AGAP1: variants seen among roughly 807,000 people sequenced by gnomAD.
The protein encoded by AGAP1 is ArfGAP with GTPase domain, ankyrin repeat and PH domain 1.
AGAP1 carries 29 observed loss-of-function variants against 105.3 expected under a neutral mutation model. The observed-to-expected ratio is 0.28, with a 90% confidence interval of 0.21 to 0.38. The LOEUF (loss-of-function observed/expected upper bound fraction) is 0.38. Among genes scored for constraint, AGAP1 ranks in the 10% least tolerant of loss-of-function variants. AGAP1 has a pLI of 1.00. For missense variants in AGAP1, 998 were observed against 1,165.1 expected (o/e 0.86, Z 2.09); for synonymous variants, 509 against 485.9 (o/e 1.05, Z -0.63).
Position 235,983,080 on chromosome 2 carries a change from G to A in AGAP1, c.1645+14457G>A, listed in dbSNP as rs2055162052. Among the ~76,000 whole-genome samples, 3 of 152,342 alleles carry A rather than the reference G, an allele frequency of 2.0e-5. No homozygotes were observed. The highest frequency in any genetic ancestry group is 6.5e-5 in the Admixed American group (1 of 15,302). On this transcript the variant is annotated intron_variant, in intron 13 of 17. Transcript: ENST00000304032. The surrounding 1 kb of genome is among the most constrained non-coding windows in gnomAD (Gnocchi z 4.5). ...AAGCCAGCCTGGTCTGTGGAGGTGT[G>A]CTCACTGCTGCAGGGCCATTTGCTG...
At position 236,036,647 on chromosome 2, in the gene AGAP1, G is replaced by A. The variant is rs751791854; in HGVS notation, c.1732G>A (p.Ala578Thr). 1.7e-5 allele frequency: 27 copies of A among 1,614,102 alleles called. No homozygotes were observed. The highest frequency in any genetic ancestry group is 4.4e-5 in the South Asian group (4 of 91,090). The change falls in exon 14 of 18, where the codon GCC becomes ACC. Residue 578 changes from alanine to threonine, a missense_variant. Physicochemically the swap from Ala to Thr is moderately conservative, Grantham distance 58. Coordinates refer to ENST00000304032, the MANE Select transcript of AGAP1 (RefSeq NM_001037131.3). The surrounding 1 kb of genome is among the most constrained non-coding windows in gnomAD (Gnocchi z 5.7). ...AGCCACGACGTATGAGGAGCGGGAC[G>A]CCTGGGTCCAAGCCATCGAGAGCCA... The part of the protein sequence containing the change: ...FEATTYEERD[A>T]WVQAIESQIL...
At chr2:235,624,562 C>G (rs1394659199) in intron 1 of AGAP1, among the ~76,000 whole-genome samples, 1 of 152,108 alleles carries the variant, frequency 6.6e-6, no homozygotes, top group Non-Finnish European at 1.5e-5. Flanking sequence ...TTAAATATTG[C>G]TTTTTCTGTT....
chr2:235,832,485 A>T (rs536517876), intron 9 of AGAP1, among the ~76,000 whole-genome samples: 1 of 152,266 alleles, frequency 6.6e-6, no homozygotes, highest in Non-Finnish European at 1.5e-5. Flanking sequence ...TTCCGATGAG[A>T]TAATTGCTTA....
intron 1 of AGAP1, among the ~76,000 whole-genome samples, chr2:235,528,771 G>A (rs1312089760): frequency 6.6e-6 from 1 of 152,112 alleles, no homozygotes; most frequent in African/African-American, 2.4e-5. Flanking sequence ...CCGCCTCCCG[G>A]GTTGCAAGCA....
chr2:236,111,006 G>C (rs930606857), intron 16 of AGAP1, among the ~76,000 whole-genome samples: 1 of 152,076 alleles, frequency 6.6e-6, no homozygotes, highest in Non-Finnish European at 1.5e-5. Flanking sequence ...CAGCCCCCTC[G>C]GGCCTCTTTT....
intron 1 of AGAP1, among the ~76,000 whole-genome samples, chr2:235,563,602 G>GA (rs1413486501): frequency 7.4e-6 from 1 of 135,490 alleles, no homozygotes; most frequent in Non-Finnish European, 1.6e-5. Context: ...GGGGGGTGGG[G>GA]GGACTTGGAT....
At chr2:235,585,772 G>A (rs546068460) in intron 1 of AGAP1, among the ~76,000 whole-genome samples, 1 of 152,046 alleles carries the variant, frequency 6.6e-6, no homozygotes, top group South Asian at 2.1e-4. Flanking sequence ...CCAATCACAC[G>A]CCAACTTTTA....
chr2:235,524,509 C>A, intron 1 of AGAP1: 1 of 348,146 alleles, frequency 2.9e-6, no homozygotes, highest in South Asian at 2.3e-5. Flanking sequence ...TGTGAGAAGA[C>A]AGGCCACGGG....
intron 1 of AGAP1, among the ~76,000 whole-genome samples, chr2:235,679,811 C>T (rs965215591): frequency 3.9e-5 from 6 of 152,168 alleles, no homozygotes; most frequent in South Asian, 2.1e-4. Context: ...CCTTGTTGGG[C>T]GTGACTTTTA....
intron 1 of AGAP1, among the ~76,000 whole-genome samples, chr2:235,667,195 C>T (rs754140156): frequency 6.6e-6 from 1 of 152,186 alleles, no homozygotes; most frequent in Non-Finnish European, 1.5e-5. Flanking sequence ...GTAGCCTTAG[C>T]ATTTTTCGGG....
chr2:235,846,724 A>G (rs1961539569), intron 9 of AGAP1, among the ~76,000 whole-genome samples: 1 of 151,852 alleles, frequency 6.6e-6, no homozygotes, highest in Admixed American at 6.6e-5. Flanking sequence ...GCAGCCTCTA[A>G]CTCCTGGGCT....
At chr2:235,844,773 G>C (rs1402646789) in intron 9 of AGAP1, among the ~76,000 whole-genome samples, 1 of 152,188 alleles carries the variant, frequency 6.6e-6, no homozygotes, top group Non-Finnish European at 1.5e-5. Flanking sequence ...GGCTGGTCCT[G>C]CTGGTCCAAG....
At chr2:235,942,995 A>G (rs976497759) in intron 12 of AGAP1, among the ~76,000 whole-genome samples, 3 of 152,242 alleles carry the variant, frequency 2.0e-5, no homozygotes, top group Non-Finnish European at 4.4e-5. Context: ...CAAGAGGCAC[A>G]TATATTTGAA....
At chr2:235,899,271 G>A (rs1195940920) in intron 10 of AGAP1, among the ~76,000 whole-genome samples, 1 of 152,210 alleles carries the variant, frequency 6.6e-6, no homozygotes, top group African/African-American at 2.4e-5. Flanking sequence ...CCAGCACTTT[G>A]GGAGGCTGAG....
intron 1 of AGAP1, among the ~76,000 whole-genome samples, chr2:235,616,338 T>A (rs1284256183): frequency 6.6e-6 from 1 of 150,876 alleles, no homozygotes; most frequent in African/African-American, 2.4e-5. Context: ...TCCAGCCTGG[T>A]GACAGAGTGA....
rs1393617161 is a variant in AGAP1, at chr2:236,119,110, G to A, written c.2115-1082G>A. On this transcript the variant is annotated intron_variant, in intron 16 of 17. Coordinates refer to ENST00000304032, the MANE Select transcript of AGAP1 (RefSeq NM_001037131.3). The surrounding 1 kb of genome is among the most constrained non-coding windows in gnomAD (Gnocchi z 6.6). ...TGTAGACCCCCCAGGAGGAGACCAT[G>A]TATTACACTGGCCAGGTCGGGCAGC... Among the ~76,000 whole-genome samples, 3 of 152,210 alleles carry A rather than the reference G, an allele frequency of 2.0e-5. No individual in the cohort carries two copies. Among genetic ancestry groups the A allele is most frequent in the Admixed American group, 6.5e-5 (1 of 15,300 alleles).
Position 235,951,360 on chromosome 2 carries a change from C to G in AGAP1, c.1484-17102C>G, listed in dbSNP as rs2053732003. 6.6e-6 allele frequency among the ~76,000 whole-genome samples: 1 copy of G among 151,672 alleles called. No individual in the cohort carries two copies. ...CAAACTTTTCCAGCAGTTACCAGCC[C>G]CAGGTACGATTATGGACAATGCTGT... On this transcript the variant is annotated intron_variant, in intron 12 of 17. Coordinates refer to ENST00000304032, the MANE Select transcript of AGAP1 (RefSeq NM_001037131.3). The surrounding 1 kb of genome is among the most constrained non-coding windows in gnomAD (Gnocchi z 4.2).
intron 6 of AGAP1, among the ~76,000 whole-genome samples, chr2:235,776,730 CCCCTTG>C (rs1258459010): frequency 1.3e-5 from 2 of 152,220 alleles, no homozygotes; most frequent in Admixed American, 6.5e-5. Flanking sequence ...CCTCCCCCTT[CCCCTTG>C]CACACCTTGT....
intron 12 of AGAP1, among the ~76,000 whole-genome samples, chr2:235,947,145 G>C (rs916044309): frequency 6.6e-6 from 1 of 152,040 alleles, no homozygotes; most frequent in Non-Finnish European, 1.5e-5. Flanking sequence ...GTTCTTTAGC[G>C]CTGATTTCTG....
Sources: allele counts gnomAD v4.1 joint callset (sites outside exome capture counted in the v4.1 genomes callset), GRCh38; gene constraint gnomAD v4.1.1; non-coding constraint Gnocchi (gnomAD v3.1); transcripts MANE v1.5; gene names NCBI Gene and HGNC (gene_info 2026-07-23, HGNC 2026-07-21).